Variants in FAM193A observed in about 807,000 individuals in gnomAD.
FAM193A encodes family with sequence similarity 193 member A.
In FAM193A, 22 loss-of-function variants were observed where a neutral mutation model predicts 126.5. The ratio of observed to expected loss-of-function variants is 0.17; its 90% CI spans 0.12 to 0.25. The LOEUF is 0.25. Ranked by LOEUF, FAM193A falls within the 10% of genes least tolerant of loss-of-function variation. The pLI, the probability that FAM193A is intolerant of heterozygous loss-of-function variation, is 1.00. For synonymous variants in FAM193A, 761 were observed against 646.8 expected, an observed-to-expected ratio of 1.18 and a Z score of -2.68; for missense variants, 1,675 against 1,672.8, an observed-to-expected ratio of 1.00 and a Z score of -0.02.
chr4:2,629,422 G>A (rs1743328369), intron 4 of FAM193A, among the ~76,000 whole-genome samples: 1 of 152,232 alleles, frequency 6.6e-6, no homozygotes, highest in East Asian at 1.9e-4. Context: ...ATTAATGTCT[G>A]TCTGAAATAT....
At chr4:2,699,447 C>CACAA (rs1717434706) in intron 18 of FAM193A, among the ~76,000 whole-genome samples, 1 of 57,086 alleles carries the variant, frequency 1.8e-5, no homozygotes, top group African/African-American at 7.2e-5. Flanking sequence ...CCCCCCCCCC[C>CACAA]ACACACACAC....
At chr4:2,642,343 C>T (rs1245726293) in intron 6 of FAM193A, among the ~76,000 whole-genome samples, 3 of 152,002 alleles carry the variant, frequency 2.0e-5, no homozygotes, top group African/African-American at 4.8e-5. Flanking sequence ...TGTTACGGGG[C>T]GTGTGGCCAG....
chr4:2,604,723 C>T (rs1338366345), intron 2 of FAM193A, among the ~76,000 whole-genome samples: 2 of 150,496 alleles, frequency 1.3e-5, no homozygotes, highest in African/African-American at 2.4e-5. Context: ...TGTTCTTATG[C>T]AGTATATATA....
intron 20 of FAM193A, among the ~76,000 whole-genome samples, chr4:2,723,762 G>A (rs1720421482): frequency 6.6e-6 from 1 of 152,030 alleles, no homozygotes; most frequent in Non-Finnish European, 1.5e-5. Context: ...GTTTTGATAG[G>A]AGACTCTGGT....
intron 19 of FAM193A, among the ~76,000 whole-genome samples, chr4:2,705,767 T>A (rs1308825950): frequency 6.6e-6 from 1 of 151,964 alleles, no homozygotes; most frequent in Non-Finnish European, 1.5e-5. Flanking sequence ...TTTTTTTTTT[T>A]TAGTAGAAAC....
At chr4:2,629,295 G>A (rs1050230284) in intron 4 of FAM193A, among the ~76,000 whole-genome samples, 2 of 151,634 alleles carry the variant, frequency 1.3e-5, no homozygotes, top group African/African-American at 2.4e-5. Context: ...TCTAAGTTTG[G>A]TTGTCTCTGT....
intron 1 of FAM193A, among the ~76,000 whole-genome samples, chr4:2,547,303 G>T (rs937424978): frequency 2.0e-5 from 3 of 152,148 alleles, no homozygotes; most frequent in Non-Finnish European, 4.4e-5. Flanking sequence ...TGAGGCAAGA[G>T]ACTTGCTTGA....
rs758641625 is a variant in FAM193A, at chr4:2,696,483, G to A, written c.3397G>A (p.Val1133Ile). 2.4e-5 allele frequency: 39 copies of A among 1,614,098 alleles called. No individual in the cohort carries two copies. The highest frequency in any genetic ancestry group is 6.7e-5 in the Admixed American group (4 of 60,006). ...KMDQISERES[V>I]VDHRRVEDLL... The stretch of plus-strand genomic sequence containing the variant: ...GGACCAGATCTCAGAAAGGGAAAGC[G>A]TCGTTGACCATCGGAGGGTGGAGGA... Residue 1133 changes from valine (V) to isoleucine (I), a missense_variant, in exon 18 of 21, where the codon GTC becomes ATC. Around this residue, in one of 4 missense-constraint regions of FAM193A, gnomAD observed 54 missense variants for 114.8 expected, o/e 0.47. Coordinates refer to ENST00000637812, the MANE Select transcript of FAM193A (RefSeq NM_001366318.2).
chr4:2,655,163 A>G (rs1484519290), intron 7 of FAM193A: 10 of 675,000 alleles, frequency 1.5e-5, no homozygotes, highest in Non-Finnish European at 1.9e-5. Context: ...GATGCTTGCC[A>G]TACAGACTTT....
chr4:2,570,747 C>T (rs560943536), intron 1 of FAM193A, among the ~76,000 whole-genome samples: 1 of 152,198 alleles, frequency 6.6e-6, no homozygotes, highest in Non-Finnish European at 1.5e-5. Context: ...GTGAGCTCCT[C>T]CTCAGATCAG....
intron 19 of FAM193A, among the ~76,000 whole-genome samples, chr4:2,705,824 G>C (rs540942896): frequency 5.3e-5 from 8 of 152,070 alleles, no homozygotes; most frequent in African/African-American, 1.4e-4. Flanking sequence ...CTGGGCTAAA[G>C]CAGTCCTCCT....
chr4:2,577,923 T>C (rs1295813137), intron 1 of FAM193A, among the ~76,000 whole-genome samples: 1 of 152,238 alleles, frequency 6.6e-6, no homozygotes, highest in Non-Finnish European at 1.5e-5. Context: ...TTCAGTTTTG[T>C]TGTTTTTCTG....
At chr4:2,580,154 A>C (rs1739837406) in intron 1 of FAM193A, among the ~76,000 whole-genome samples, 1 of 152,222 alleles carries the variant, frequency 6.6e-6, no homozygotes, top group South Asian at 2.1e-4. Flanking sequence ...AGAGGCCATT[A>C]TCCTTAGCAA....
chr4:2,662,836 A>G lies in FAM193A; in HGVS notation c.1746-2A>G. On this transcript the variant is annotated splice_acceptor_variant, in intron 10 of 20. Coordinates refer to ENST00000637812, the MANE Select transcript of FAM193A (RefSeq NM_001366318.2). LOFTEE classifies it high-confidence loss of function. ...CACAGTGACCATCTCTGCTTGTGTC[A>G]GTTGTAGTGATGATGAAGATGTTGC... 6.2e-7 allele frequency: 1 copy of G among 1,605,642 alleles called. No homozygotes were observed. Among genetic ancestry groups the G allele is most frequent in the Non-Finnish European group, 8.5e-7 (1 of 1,172,908 alleles).
At chr4:2,570,429 A>G (rs933009196) in intron 1 of FAM193A, among the ~76,000 whole-genome samples, 8 of 152,190 alleles carry the variant, frequency 5.3e-5, no homozygotes, top group Non-Finnish European at 2.9e-5. Flanking sequence ...AGCTTTGGTG[A>G]CATGGCTCAG....
chr4:2,573,142 C>T (rs767068028), intron 1 of FAM193A, among the ~76,000 whole-genome samples: 11 of 152,040 alleles, frequency 7.2e-5, no homozygotes, highest in Non-Finnish European at 1.5e-4. Flanking sequence ...CACTCTTACT[C>T]TTGTGTCTCT....
chr4:2,630,860 GAA>G, intron 4 of FAM193A, 73 bp from the exon 5 acceptor site: 1 of 821,260 alleles, frequency 1.2e-6, no homozygotes. Context: ...AAGGGCTTCA[GAA>G]AAGATGCTCA....
Position 2,622,394 on chromosome 4 carries a change from C to T in FAM193A, c.502-2868C>T, listed in dbSNP as rs189785756. On this transcript the variant is annotated intron_variant, in intron 2 of 20. Transcript: ENST00000637812. ...GTATGTCCTGCTTCCTTATGCCTGT[C>T]CTGTTCCTCCAGGATGGAGAAGGGG... Among the ~76,000 whole-genome samples, 461 of 151,982 alleles carry T rather than the reference C, an allele frequency of 3.0e-3. 3 individuals carry two copies. The highest frequency in any genetic ancestry group is 0.01 in the African/African-American group (434 of 41,416).
At chr4:2,591,049 A>G (rs1325824872) in intron 1 of FAM193A, among the ~76,000 whole-genome samples, 1 of 151,604 alleles carries the variant, frequency 6.6e-6, no homozygotes, top group Middle Eastern at 3.2e-3. Context: ...AGAGTGTAGA[A>G]GTTGTACAGG....
Sources: allele counts gnomAD v4.1 joint callset (sites outside exome capture counted in the v4.1 genomes callset), GRCh38; gene constraint gnomAD v4.1.1; regional missense constraint gnomAD v4.1.1; transcripts MANE v1.5; gene names NCBI Gene and HGNC (gene_info 2026-07-23, HGNC 2026-07-21).